The following IFT80 variants were observed in gnomAD, a reference collection of about 807,000 sequenced individuals.
IFT80 encodes intraflagellar transport protein 80 homolog.
A neutral mutation model predicts 107.9 loss-of-function variants in IFT80; 79 were observed. That is an observed-to-expected ratio of 0.73 (90% CI 0.61 to 0.88). IFT80 has a LOEUF of 0.88. Ranked by LOEUF, IFT80 falls within the 40% of genes least tolerant of loss-of-function variation. The probability of loss-of-function intolerance (pLI) is 0.00; values close to 1 mark genes in which losing one functional copy is unlikely to be tolerated. For missense variants in IFT80, 797 were observed against 914.2 expected (o/e 0.87, Z 1.65); for synonymous variants, 299 against 300.9 (o/e 0.99, Z 0.07).
At chr3:160,303,286 G>A (rs1716577913) in intron 11 of IFT80, among the ~76,000 whole-genome samples, 1 of 152,170 alleles carries the variant, frequency 6.6e-6, no homozygotes, top group African/African-American at 2.4e-5. Context: ...GTACTCAAGA[G>A]ACTAATTGAC....
chr3:160,258,880 T>A (rs1216116340), intron 19 of IFT80, among the ~76,000 whole-genome samples: 1 of 152,056 alleles, frequency 6.6e-6, no homozygotes, highest in Non-Finnish European at 1.5e-5. Flanking sequence ...GTGGATTGCT[T>A]GAGTCTAGGA....
chr3:160,277,048 T>C (rs964911699), intron 18 of IFT80, among the ~76,000 whole-genome samples: 13 of 152,156 alleles, frequency 8.5e-5, no homozygotes, highest in Non-Finnish European at 4.4e-5. Flanking sequence ...AATGGTATGG[T>C]GTCATGATCT....
Position 160,348,643 on chromosome 3 carries a change from C to T in IFT80, c.777+7370G>A, listed in dbSNP as rs556553997. The stretch of plus-strand genomic sequence containing the variant: ...ACAAAAATAAAAACATGTGTTCACA[C>T]ATTCATAGCAGCATGATTTCTAATA... On this transcript the variant is annotated intron_variant, in intron 8 of 19. Coordinates refer to ENST00000326448, the MANE Select transcript of IFT80 (RefSeq NM_020800.3). Among the ~76,000 whole-genome samples the T allele has an allele frequency of 2.0e-5, 3 of 152,302 alleles. No individual in the cohort carries two copies. In the East Asian group the frequency reaches 5.8e-4, roughly 29 times the overall value.
intron 8 of IFT80, among the ~76,000 whole-genome samples, chr3:160,339,705 T>C (rs1315514326): frequency 6.6e-6 from 1 of 151,876 alleles, no homozygotes; most frequent in East Asian, 1.9e-4. Flanking sequence ...TAGAAGAAAA[T>C]GGAAAAAGTA....
At chr3:160,326,957 G>A (rs2108310564) in intron 8 of IFT80, among the ~76,000 whole-genome samples, 1 of 152,274 alleles carries the variant, frequency 6.6e-6, no homozygotes, top group East Asian at 1.9e-4. Context: ...TTCTTAAGCT[G>A]ATAATCAACT....
intron 8 of IFT80, among the ~76,000 whole-genome samples, chr3:160,332,006 A>G (rs1265280629): frequency 1.4e-5 from 2 of 143,174 alleles, no homozygotes; most frequent in African/African-American, 5.0e-5. Flanking sequence ...TATGTCCTAT[A>G]AAATTTCCCA....
At chr3:160,380,121 A>G (rs1463399666) in intron 3 of IFT80, among the ~76,000 whole-genome samples, 1 of 149,844 alleles carries the variant, frequency 6.7e-6, no homozygotes. Context: ...AAACCTCTGC[A>G]TTCCAGGTTC....
chr3:160,357,670 T>C (rs1721191359), intron 6 of IFT80, 92 bp from the exon 7 acceptor site: 2 of 729,130 alleles, frequency 2.7e-6, no homozygotes, highest in Non-Finnish European at 4.8e-6. Flanking sequence ...TTCTAATGAC[T>C]CCTTTGTCAT....
At chr3:160,306,169 G>A (rs1716816840) in intron 10 of IFT80, among the ~76,000 whole-genome samples, 1 of 152,018 alleles carries the variant, frequency 6.6e-6, no homozygotes, top group Non-Finnish European at 1.5e-5. Flanking sequence ...AAGAAGAAAA[G>A]CAACCTTACA....
chr3:160,305,253 G>A (rs1488982176), intron 10 of IFT80, among the ~76,000 whole-genome samples: 1 of 152,180 alleles, frequency 6.6e-6, no homozygotes, highest in Non-Finnish European at 1.5e-5. Flanking sequence ...AAGGAGGGAA[G>A]GGGAAGGAAG....
In IFT80 at chr3:160,319,909, C is replaced by T. The variant is rs781389082; in HGVS notation, c.808G>A (p.Gly270Ser). 5.0e-6 allele frequency: 8 copies of T among 1,611,574 alleles called. No individual in the cohort carries two copies. The highest frequency in any genetic ancestry group is 1.6e-4 in the Middle Eastern group (1 of 6,078). ...GACCATGCAATATTAAATATGCTGC[C>T]AGTGTTGGGTTTTTCTAATGCATAT... The part of the protein sequence containing the change: ...WSYALEKPNT[G>S]SIFNIAWSID... Residue 270 changes from glycine to serine, a missense_variant, in exon 9 of 20, where the codon GGC (glycine) becomes AGC (serine). Gly to Ser is a moderately conservative substitution (Grantham distance 56). Transcript: ENST00000326448.
At chr3:160,287,561 C>A (rs1715188752) in intron 12 of IFT80, among the ~76,000 whole-genome samples, 1 of 152,204 alleles carries the variant, frequency 6.6e-6, no homozygotes, top group Non-Finnish European at 1.5e-5. Context: ...CTTCTGATTC[C>A]TCCATGGCCA....
At chr3:160,327,582 GTCCCTATTTAATAAACAAATTTAA>G (rs1212065979) in intron 8 of IFT80, among the ~76,000 whole-genome samples, 5 of 151,862 alleles carry the variant, frequency 3.3e-5, no homozygotes, top group African/African-American at 4.8e-5. Flanking sequence ...GAGGAAAGGA[GTCCCTATTTAATAAACAAATTTAA>G]TAAATGGTGT....
At chr3:160,360,463 C>A (rs1721411254) in intron 6 of IFT80, among the ~76,000 whole-genome samples, 1 of 152,178 alleles carries the variant, frequency 6.6e-6, no homozygotes, top group Non-Finnish European at 1.5e-5. Flanking sequence ...CTTCCCCAAC[C>A]TAGCAAGGCA....
At chr3:160,299,598 G>A (rs927279106) in intron 12 of IFT80, among the ~76,000 whole-genome samples, 1 of 151,970 alleles carries the variant, frequency 6.6e-6, no homozygotes, top group Non-Finnish European at 1.5e-5. Context: ...CCTAATTACT[G>A]ATGTGCTGTG....
At chr3:160,313,897 C>T (rs978312284) in intron 9 of IFT80, among the ~76,000 whole-genome samples, 10 of 152,026 alleles carry the variant, frequency 6.6e-5, no homozygotes, top group Non-Finnish European at 1.3e-4. Flanking sequence ...TGTGAGCCAT[C>T]GTGCCCGGCC....
intron 12 of IFT80, among the ~76,000 whole-genome samples, chr3:160,291,974 A>G (rs759666567): frequency 5.3e-5 from 8 of 152,146 alleles, no homozygotes; most frequent in Non-Finnish European, 1.2e-4. Context: ...TTCCTCTCAA[A>G]CCCTCTGAGG....
At chr3:160,372,081 C>T (rs572016156) in intron 5 of IFT80, among the ~76,000 whole-genome samples, 1 of 152,154 alleles carries the variant, frequency 6.6e-6, no homozygotes, top group African/African-American at 2.4e-5. Flanking sequence ...AAGTTAATGA[C>T]TAAAGCTTTT....
chr3:160,345,663 C>T (rs185051687), intron 8 of IFT80, among the ~76,000 whole-genome samples: 29 of 134,732 alleles, frequency 2.2e-4, no homozygotes, highest in Non-Finnish European at 4.1e-4. Flanking sequence ...CATTGCACTC[C>T]AGCCTTGGCG....
Sources: allele counts gnomAD v4.1 joint callset (sites outside exome capture counted in the v4.1 genomes callset), GRCh38; gene constraint gnomAD v4.1.1; transcripts MANE v1.5; gene names NCBI Gene and HGNC (gene_info 2026-07-23, HGNC 2026-07-21).